Variants in ADGB observed in about 807,000 individuals in gnomAD.
ADGB encodes the protein calpain-7-like protein.
In ADGB, 172 loss-of-function variants were observed where a neutral mutation model predicts 210.5. The observed-to-expected ratio is 0.82, with a 90% CI of 0.72 to 0.93. ADGB has a LOEUF of 0.93. Ranked by LOEUF, ADGB falls within the 40% of genes least tolerant of loss-of-function variation. The pLI, the probability that ADGB is intolerant of heterozygous loss-of-function variation, is 0.00. For missense variants in ADGB, 2,025 were observed against 1,964.8 expected (o/e 1.03, Z -0.58); for synonymous variants, 658 against 662.7 (o/e 0.99, Z 0.11).
At chr6:146,803,632 T>TC (rs1778164845) in intron 35 of ADGB, 2 of 1,339,184 alleles carry the variant, frequency 1.5e-6, no homozygotes, top group African/African-American at 1.5e-5. Flanking sequence ...GATCTTTTTT[T>TC]CTAGGAAGAT....
chr6:146,718,644 C>T (rs1048117363), intron 16 of ADGB, among the ~76,000 whole-genome samples: 2 of 152,160 alleles, frequency 1.3e-5, no homozygotes, highest in African/African-American at 2.4e-5. Context: ...TAAACTGTAC[C>T]AACATTTACA....
chr6:146,722,611 C>T (rs1241305878), intron 17 of ADGB, among the ~76,000 whole-genome samples: 1 of 152,160 alleles, frequency 6.6e-6, no homozygotes, highest in Non-Finnish European at 1.5e-5. Flanking sequence ...TATTCTCCCA[C>T]TCTTATTTAT....
At chr6:146,649,267 G>A (rs1000869053) in intron 3 of ADGB, among the ~76,000 whole-genome samples, 1 of 149,252 alleles carries the variant, frequency 6.7e-6, no homozygotes, top group South Asian at 2.1e-4. Context: ...TAACTCAGAA[G>A]ATTTATCCAT....
chr6:146,685,696 C>T (rs763492422), intron 9 of ADGB, 38 bp from the exon 10 acceptor site: 11 of 1,326,490 alleles, frequency 8.3e-6, no homozygotes, highest in Non-Finnish European at 1.1e-5. Flanking sequence ...CCGATTTTGA[C>T]TAGAATTTTC....
chr6:146,656,220 A>G (rs1440618221), intron 4 of ADGB, among the ~76,000 whole-genome samples: 3 of 152,218 alleles, frequency 2.0e-5, no homozygotes, highest in African/African-American at 7.2e-5. Flanking sequence ...TGTTAAAAAC[A>G]CTGCAAGGGG....
chr6:146,638,196 G>GT (rs1238939600), intron 2 of ADGB, among the ~76,000 whole-genome samples: 2 of 139,104 alleles, frequency 1.4e-5, no homozygotes, highest in Admixed American at 1.6e-4. Flanking sequence ...ACCCCTTGAT[G>GT]TTAACCCTTT....
intron 29 of ADGB, among the ~76,000 whole-genome samples, chr6:146,776,764 A>G (rs1047727282): frequency 6.6e-5 from 10 of 152,104 alleles, no homozygotes; most frequent in Non-Finnish European, 1.0e-4. Flanking sequence ...TAAAAAACCC[A>G]GTGGGTGTAT....
intron 1 of ADGB, among the ~76,000 whole-genome samples, chr6:146,613,161 C>G (rs1446205138): frequency 1.3e-5 from 2 of 152,084 alleles, no homozygotes; most frequent in South Asian, 2.1e-4. Context: ...TGCATTTACT[C>G]AAGCACGATG....
At chr6:146,767,291 C>T (rs1583629604) in intron 28 of ADGB, among the ~76,000 whole-genome samples, 2 of 152,126 alleles carry the variant, frequency 1.3e-5, no homozygotes, top group Admixed American at 1.3e-4. Context: ...CATTGAATTA[C>T]TCACAGATAA....
intron 13 of ADGB, among the ~76,000 whole-genome samples, chr6:146,710,614 A>G (rs1776645645): frequency 6.6e-6 from 1 of 152,284 alleles, no homozygotes; most frequent in Non-Finnish European, 1.5e-5. Flanking sequence ...ACAGATGAAC[A>G]AATCTATTAG....
chr6:146,604,836 C>T (rs1780608799), intron 1 of ADGB, among the ~76,000 whole-genome samples: 1 of 152,094 alleles, frequency 6.6e-6, no homozygotes, highest in Non-Finnish European at 1.5e-5. Flanking sequence ...TAGAAGGAAT[C>T]ATGCGTTGGT....
At chr6:146,606,251 T>A (rs1780627698) in intron 1 of ADGB, among the ~76,000 whole-genome samples, 1 of 152,190 alleles carries the variant, frequency 6.6e-6, no homozygotes, top group Non-Finnish European at 1.5e-5. Context: ...GGGTTGCATG[T>A]TTTTTGCTTG....
rs868288441 is a variant in ADGB at position 146,643,463 on chromosome 6, C to A, written c.238-1310C>A. On this transcript the variant is annotated intron_variant, in intron 2 of 35. Transcript: ENST00000397944. ...CTCAGGCATTTCGTTTATAACCTGTCAATTTTAATATTATTTTTTGTAAGG... is the reference window on the plus strand; with the variant it reads ...CTCAGGCATTTCGTTTATAACCTGTAAATTTTAATATTATTTTTTGTAAGG... 7.2e-5 allele frequency among the ~76,000 whole-genome samples: 11 copies of A among 151,840 alleles called. No homozygotes were observed. In the Middle Eastern group the frequency reaches 0.01, roughly 141 times the overall value.
intron 1 of ADGB, among the ~76,000 whole-genome samples, chr6:146,629,245 G>A (rs1166645665): frequency 6.6e-6 from 1 of 152,156 alleles, no homozygotes; most frequent in Non-Finnish European, 1.5e-5. Context: ...TATTCTGCCA[G>A]TGGACTTCAA....
rs1056008662 is a variant in ADGB at position 146,599,137 on chromosome 6, T to G, written c.74+23T>G. 2.7e-5 allele frequency: 42 copies of G among 1,547,678 alleles called. No individual in the cohort carries two copies. The African/African-American group carries it at 4.8e-4, about 18-fold the overall frequency. ...AGAGTAAGGGACCTCTGCCTGTCCG[T>G]CCCTCCCCTGGCCTAGCCCCTCGAC... On this transcript the variant is annotated intron_variant, in intron 1 of 35. Coordinates refer to ENST00000397944, the MANE Select transcript of ADGB (RefSeq NM_024694.4).
At chr6:146,669,012 T>G (rs557310593) in intron 7 of ADGB, among the ~76,000 whole-genome samples, 7 of 152,076 alleles carry the variant, frequency 4.6e-5, no homozygotes, top group Non-Finnish European at 8.8e-5. Flanking sequence ...TTTGAATAGG[T>G]CTTTTTCATA....
At chr6:146,758,374 A>G (rs1054169671) in intron 27 of ADGB, among the ~76,000 whole-genome samples, 2 of 152,022 alleles carry the variant, frequency 1.3e-5, no homozygotes, top group African/African-American at 4.8e-5. Flanking sequence ...TTATGACCTC[A>G]TGCTTTTCTT....
intron 35 of ADGB, 121 bp downstream of exon 35, chr6:146,802,132 T>G (rs1778145082): frequency 1.5e-6 from 1 of 647,682 alleles, no homozygotes; most frequent in East Asian, 3.8e-5. Context: ...AGGTTTCTAT[T>G]ATTCACAACT....
chr6:146,656,915 G>T lies in ADGB; in HGVS notation c.547G>T (p.Ala183Ser), dbSNP rs373118414. 2.0e-4 allele frequency: 318 copies of T among 1,551,492 alleles called. No homozygotes were observed. Among genetic ancestry groups the T allele is most frequent in the South Asian group, 4.3e-4 (36 of 84,064 alleles). ...PWEHIYSLCK[A>S]VKGHMPLFNS... ...GGAACACATATACTCTCTGTGCAAG[G>T]CTGTGAAGGGTCATATGCCTTTGTT... Residue 183 changes from alanine (A) to serine (S), a missense_variant, in exon 5 of 36, where the codon GCT becomes TCT. Ala to Ser is a moderately conservative substitution (Grantham distance 99, BLOSUM62 1). Coordinates refer to ENST00000397944, the MANE Select transcript of ADGB (RefSeq NM_024694.4).
Sources: gnomAD v4.1 joint callset for allele counts (sites outside exome capture counted in the v4.1 genomes callset) on GRCh38, gnomAD v4.1.1 for gene constraint, MANE v1.5 for transcripts, NCBI Gene and HGNC (gene_info 2026-07-23, HGNC 2026-07-21) for gene names.